The following ARMC2 variants were observed in gnomAD, a reference collection of about 807,000 sequenced individuals.
ARMC2 encodes armadillo repeat-containing protein 2.
Under a neutral mutation model 90.3 loss-of-function variants are expected in ARMC2, and 67 were observed. The observed-to-expected ratio is 0.74, with a 90% CI of 0.61 to 0.91. ARMC2 has a LOEUF of 0.91. Among genes scored for constraint, ARMC2 ranks in the 40% least tolerant of loss-of-function variants. The pLI, the probability that ARMC2 is intolerant of heterozygous loss-of-function variation, is 0.00. For missense variants in ARMC2, 920 were observed against 1,030.9 expected (o/e 0.89, Z 1.47); for synonymous variants, 393 against 393.0 (o/e 1.00, Z 0.00).
chr6:109,009,004 G>A, the ARMC2 span: 1 of 1,024,072 alleles, frequency 9.8e-7, no homozygotes, highest in Non-Finnish European at 1.2e-6. Context: ...AAGACTCGAG[G>A]TCTGCTGGAT....
chr6:108,920,164 C>T (rs1258959116), intron 10 of ARMC2, among the ~76,000 whole-genome samples: 1 of 152,016 alleles, frequency 6.6e-6, no homozygotes, highest in Non-Finnish European at 1.5e-5. Flanking sequence ...ACTACACTGG[C>T]TAATTTTTTA....
At chr6:108,991,562 T>G in the ARMC2 span, among the ~76,000 whole-genome samples, 2 of 152,184 alleles carry the variant, frequency 1.3e-5, no homozygotes, top group Non-Finnish European at 2.9e-5. Context: ...AATTTTTAAT[T>G]AAACACATCT....
the ARMC2 span, chr6:108,987,460 C>T: frequency 3.1e-6 from 2 of 647,236 alleles, no homozygotes; most frequent in South Asian, 4.4e-5. Flanking sequence ...TTTTGTCTAC[C>T]ATTGGTCCTG....
chr6:108,978,800 G>T (rs963005397), downstream of ARMC2, among the ~76,000 whole-genome samples: 2 of 151,722 alleles, frequency 1.3e-5, no homozygotes, highest in African/African-American at 4.8e-5. Context: ...TGTTTTATCA[G>T]AGGGTAGGAT....
intron 12 of ARMC2, among the ~76,000 whole-genome samples, chr6:108,942,068 G>T (rs1776481896): frequency 6.6e-6 from 1 of 152,026 alleles, no homozygotes; most frequent in Non-Finnish European, 1.5e-5. Context: ...TTCTTTAGTG[G>T]TTCTCCAAAT....
At chr6:108,925,003 G>C (rs978649738) in intron 10 of ARMC2, among the ~76,000 whole-genome samples, 1 of 152,132 alleles carries the variant, frequency 6.6e-6, no homozygotes, top group South Asian at 2.1e-4. Context: ...AAATGAGATA[G>C]GCTAGAGAAC....
At chr6:108,879,921 C>T (rs1369803930) in intron 5 of ARMC2, 1 of 470,684 alleles carries the variant, frequency 2.1e-6, no homozygotes, top group East Asian at 6.9e-5. Flanking sequence ...CTCCCATCTC[C>T]TTCTAGCCCT....
At chr6:108,908,799 G>A (rs1194345583) in intron 8 of ARMC2, among the ~76,000 whole-genome samples, 2 of 152,164 alleles carry the variant, frequency 1.3e-5, no homozygotes, top group African/African-American at 4.8e-5. Context: ...GCCGGGCATG[G>A]TGGCTCACAC....
the ARMC2 span, among the ~76,000 whole-genome samples, chr6:109,037,029 C>T: frequency 2.6e-5 from 4 of 152,078 alleles, no homozygotes; most frequent in South Asian, 2.1e-4. Flanking sequence ...ACAGGGCCCC[C>T]GCCCATAATG....
At chr6:108,983,305 C>A in the ARMC2 span, among the ~76,000 whole-genome samples, 3 of 151,832 alleles carry the variant, frequency 2.0e-5, no homozygotes, top group Non-Finnish European at 4.4e-5. Context: ...GTCTTTTTTT[C>A]TTTTGTTGCC....
the ARMC2 span, among the ~76,000 whole-genome samples, chr6:108,997,526 T>C: frequency 2.0e-5 from 3 of 152,236 alleles, no homozygotes; most frequent in African/African-American, 4.8e-5. Flanking sequence ...ATGTAAATGC[T>C]ACCTCTTATT....
chr6:108,913,508 T>C (rs1314950496), intron 10 of ARMC2, among the ~76,000 whole-genome samples: 1 of 152,224 alleles, frequency 6.6e-6, no homozygotes, highest in Non-Finnish European at 1.5e-5. Context: ...AGAAACATTT[T>C]CCATGCTCCC....
chr6:108,857,606 TA>T (rs1774780346), intron 2 of ARMC2, among the ~76,000 whole-genome samples: 1 of 152,240 alleles, frequency 6.6e-6, no homozygotes, highest in South Asian at 2.1e-4. Context: ...GGAAAACTCT[TA>T]TCATAAAATA....
At chr6:108,966,205 T>C (rs189593050) in intron 17 of ARMC2, among the ~76,000 whole-genome samples, 46 of 150,768 alleles carry the variant, frequency 3.1e-4, no homozygotes, top group African/African-American at 1.1e-3. Context: ...CTCTGCAACC[T>C]GAGAAAGCTT....
chr6:108,850,820 A>G (rs1000811388), intron 1 of ARMC2, among the ~76,000 whole-genome samples: 1 of 152,152 alleles, frequency 6.6e-6, no homozygotes, highest in African/African-American at 2.4e-5. Flanking sequence ...CCAACACCAC[A>G]TGTACAGGGA....
At chr6:108,874,132 A>G (rs1776706316) in intron 4 of ARMC2, among the ~76,000 whole-genome samples, 1 of 152,260 alleles carries the variant, frequency 6.6e-6, no homozygotes, top group South Asian at 2.1e-4. Flanking sequence ...GATACAGACC[A>G]TAGTTACACA....
chr6:108,920,211 ATG>A, intron 10 of ARMC2, among the ~76,000 whole-genome samples: 1 of 152,166 alleles, frequency 6.6e-6, no homozygotes, highest in African/African-American at 2.4e-5. Flanking sequence ...GTTTTTAGAG[ATG>A]GAGTCTTGCT....
chr6:108,917,848 T>C (rs1445205408), intron 10 of ARMC2, among the ~76,000 whole-genome samples: 4 of 152,002 alleles, frequency 2.6e-5, no homozygotes, highest in African/African-American at 7.3e-5. Context: ...TAAAATTGTT[T>C]TAGTAGGTCT....
chr6:109,003,065 G>A, the ARMC2 span, among the ~76,000 whole-genome samples: 5 of 152,024 alleles, frequency 3.3e-5, no homozygotes, highest in Non-Finnish European at 5.9e-5. Context: ...TGATGGTGTA[G>A]TATGGTTAAC....
Sources: allele counts gnomAD v4.1 joint callset (sites outside exome capture counted in the v4.1 genomes callset), GRCh38; gene constraint gnomAD v4.1.1; transcripts MANE v1.5; gene names NCBI Gene and HGNC (gene_info 2026-07-23, HGNC 2026-07-21).